USP6NL: variants seen among roughly 807,000 people sequenced by gnomAD.
USP6NL encodes the protein USP6 N-terminal-like protein.
Under a neutral mutation model 61.9 loss-of-function variants are expected in USP6NL, and 26 were observed. That is an observed-to-expected ratio of 0.42 (90% CI 0.31 to 0.58). The LOEUF is 0.58. USP6NL is among the 20% of genes least tolerant of loss of function. The pLI is 0.16. For missense variants in USP6NL, 1,114 were observed against 1,034.3 expected, an observed-to-expected ratio of 1.08 and a Z score of -1.06; for synonymous variants, 432 against 390.1, an observed-to-expected ratio of 1.11 and a Z score of -1.27.
intron 2 of USP6NL, among the ~76,000 whole-genome samples, chr10:11,555,471 A>AGAGAAAGAGAG (rs1566178235): frequency 7.9e-4 from 49 of 62,164 alleles, no homozygotes; most frequent in African/African-American, 3.2e-3. Context: ...GAGAGAGAGA[A>AGAGAAAGAGAG]AGAGAGAGAG....
chr10:11,522,421 G>T (rs977623252), intron 4 of USP6NL, among the ~76,000 whole-genome samples: 1 of 152,166 alleles, frequency 6.6e-6, no homozygotes, highest in African/African-American at 2.4e-5. Context: ...TTATTCAATA[G>T]CGCATAAAAC....
At position 11,496,658 on chromosome 10, in the gene USP6NL, C is replaced by G. The variant is rs1833940729; in HGVS notation, c.385-3430G>C. On this transcript the variant is annotated intron_variant, in intron 7 of 14. Coordinates refer to ENST00000609104, the MANE Select transcript of USP6NL (RefSeq NM_014688.5). This position sits in a 1 kb window ranked among gnomAD's most constrained non-coding sequence, Gnocchi z 5.4. The stretch of plus-strand genomic sequence containing the variant: ...TACATATGTTATATTGACCTATTTA[C>G]CATGTACTGGTAATACGGACTTCTG... Among the ~76,000 whole-genome samples, 1 of 152,014 alleles carries G rather than the reference C, an allele frequency of 6.6e-6. No individual in the cohort carries two copies. The highest frequency in any genetic ancestry group is 6.6e-5 in the Admixed American group (1 of 15,266).
At chr10:11,527,709 T>C in intron 2 of USP6NL, 142 bp from the exon 3 acceptor site, 1 of 757,052 alleles carries the variant, frequency 1.3e-6, no homozygotes, top group Non-Finnish European at 2.1e-6. Context: ...AAGGATGAGT[T>C]AAGTATTTGT....
chr10:11,528,138 C>G lies in USP6NL; in HGVS notation c.5-571G>C, dbSNP rs1271923153. On this transcript the variant is annotated intron_variant, in intron 2 of 14. Transcript: ENST00000609104. This position sits in a 1 kb window ranked among gnomAD's most constrained non-coding sequence, Gnocchi z 4.6. ...GTGGACACACACACAGACACACACA[C>G]ACACACACACACACACACACACCCT... Among the ~76,000 whole-genome samples the G allele has an allele frequency of 1.3e-5, 2 of 151,686 alleles. No homozygotes were observed. The highest frequency in any genetic ancestry group is 2.9e-5 in the Non-Finnish European group (2 of 67,890).
rs780958568 is a variant in USP6NL, at chr10:11,510,275, C to T, written c.196-600G>A. On this transcript the variant is annotated intron_variant, in intron 5 of 14. Transcript: ENST00000609104. This position sits in a 1 kb window ranked among gnomAD's most constrained non-coding sequence, Gnocchi z 4.8. ...GCACTGGCACAGGCAGGAAGGGCCA[C>T]GGCAGAAGGGGCAGTCAAATCCACC... is the stretch of plus-strand genomic sequence containing the variant. 4.6e-5 allele frequency among the ~76,000 whole-genome samples: 7 copies of T among 151,994 alleles called. No homozygotes were observed. Among genetic ancestry groups the T allele is most frequent in the African/African-American group, 1.5e-4 (6 of 41,370 alleles).
intron 2 of USP6NL, among the ~76,000 whole-genome samples, chr10:11,558,665 C>T (rs1462873505): frequency 6.6e-6 from 1 of 152,166 alleles, no homozygotes; most frequent in Non-Finnish European, 1.5e-5. Flanking sequence ...ACCTCCAAGC[C>T]TCTAAAGATT....
intron 1 of USP6NL, among the ~76,000 whole-genome samples, chr10:11,607,636 A>C (rs1838752083): frequency 6.6e-6 from 1 of 152,310 alleles, no homozygotes; most frequent in South Asian, 2.1e-4. Context: ...CAGTGAGCTG[A>C]GACTGCTCTA....
At chr10:11,555,041 T>C (rs1836631891) in intron 2 of USP6NL, among the ~76,000 whole-genome samples, 1 of 147,134 alleles carries the variant, frequency 6.8e-6, no homozygotes, top group Admixed American at 6.8e-5. Context: ...CCTGACCTCA[T>C]GATCTGCCCA....
intron 2 of USP6NL, among the ~76,000 whole-genome samples, chr10:11,556,821 T>C (rs181204860): frequency 6.6e-6 from 1 of 152,196 alleles, no homozygotes; most frequent in Non-Finnish European, 1.5e-5. Context: ...AATGGAAGAT[T>C]GTAATACATA....
intron 2 of USP6NL, among the ~76,000 whole-genome samples, chr10:11,536,839 C>G (rs12262747): frequency 6.6e-6 from 1 of 152,228 alleles, no homozygotes; most frequent in Non-Finnish European, 1.5e-5. Context: ...CTTGCTCCCC[C>G]TATTAGCATA....
chr10:11,462,750 T>G lies in USP6NL; in HGVS notation c.2178A>C (p.Pro726=), dbSNP rs779017002. Residue 726 remains proline, a synonymous_variant, in exon 15 of 15, where the codon CCA becomes CCC. Transcript: ENST00000609104. ...TTCTGTTATCTGGCAAGTAATCCAC[T>G]GGTGGAATGATCAATTTTCCATTCT... ...SPKNGKLIIP[P]VDYLPDNRTW... 1.2e-6 allele frequency: 2 copies of G among 1,614,040 alleles called. No homozygotes were observed. Among genetic ancestry groups the G allele is most frequent in the African/African-American group, 1.3e-5 (1 of 75,070 alleles).
In USP6NL at chr10:11,510,272, C is replaced by A. The variant is rs1834646246; in HGVS notation, c.196-597G>T. On this transcript the variant is annotated intron_variant, in intron 5 of 14. Transcript: ENST00000609104. This position sits in a 1 kb window ranked among gnomAD's most constrained non-coding sequence, Gnocchi z 4.8. ...CAGGCACTGGCACAGGCAGGAAGGG[C>A]CACGGCAGAAGGGGCAGTCAAATCC... Among the ~76,000 whole-genome samples the A allele has an allele frequency of 6.6e-6, 1 of 152,076 alleles. No individual in the cohort carries two copies. The highest frequency in any genetic ancestry group is 1.5e-5 in the Non-Finnish European group (1 of 68,014).
chr10:11,515,647 T>C (rs1834921885), intron 5 of USP6NL, among the ~76,000 whole-genome samples: 2 of 152,206 alleles, frequency 1.3e-5, no homozygotes, highest in East Asian at 1.9e-4. Context: ...CCGACACATA[T>C]CTTGGTAACC....
At chr10:11,586,616 A>G (rs1837973970) in intron 2 of USP6NL, among the ~76,000 whole-genome samples, 1 of 152,146 alleles carries the variant, frequency 6.6e-6, no homozygotes, top group African/African-American at 2.4e-5. Context: ...AGAAATGTAA[A>G]TGGCTTCTTT....
At chr10:11,506,848 T>C (rs1044687323) in intron 6 of USP6NL, among the ~76,000 whole-genome samples, 11 of 151,830 alleles carry the variant, frequency 7.2e-5, no homozygotes, top group African/African-American at 2.2e-4. Context: ...ACTATATAAG[T>C]AAGGAATCTG....
chr10:11,482,464 A>T lies in USP6NL; in HGVS notation c.926-542T>A, dbSNP rs1833239184. 6.6e-6 allele frequency among the ~76,000 whole-genome samples: 1 copy of T among 152,252 alleles called. No homozygotes were observed. Among genetic ancestry groups the T allele is most frequent in the Admixed American group, 6.5e-5 (1 of 15,284 alleles). Reference sequence around the variant, plus strand: ...CAGAAAGTAAAAATCTGCTCATTACATAATACCCTACATAATACACCTCAT... The same window carrying T: ...CAGAAAGTAAAAATCTGCTCATTACTTAATACCCTACATAATACACCTCAT... On this transcript the variant is annotated intron_variant, in intron 13 of 14. Transcript: ENST00000609104. This position sits in a 1 kb window ranked among gnomAD's most constrained non-coding sequence, Gnocchi z 4.0.
chr10:11,501,253 CTTAGA>C (rs750809788), intron 6 of USP6NL, 45 bp from the exon 7 acceptor site: 108 of 1,450,994 alleles, frequency 7.4e-5, no homozygotes, highest in Middle Eastern at 1.9e-4. Context: ...CTGAAAAAAA[CTTAGA>C]TTAGTCTCTA....
Position 11,591,418 on chromosome 10 carries a change from G to A in USP6NL, c.4+6213C>T, listed in dbSNP as rs1020153300. 1.3e-5 allele frequency among the ~76,000 whole-genome samples: 2 copies of A among 152,010 alleles called. No homozygotes were observed. Among genetic ancestry groups the A allele is most frequent in the South Asian group, 2.1e-4 (1 of 4,832 alleles). ...GGTCTATAAAAACTAGATAAATATAGCTTTTGAAGAATAAAAATATAATAG... is the reference window on the plus strand; with the variant it reads ...GGTCTATAAAAACTAGATAAATATAACTTTTGAAGAATAAAAATATAATAG... On this transcript the variant is annotated intron_variant, in intron 2 of 14. Coordinates refer to ENST00000609104, the MANE Select transcript of USP6NL (RefSeq NM_014688.5). This position sits in a 1 kb window ranked among gnomAD's most constrained non-coding sequence, Gnocchi z 4.7.
rs1293790589 is a variant in USP6NL at position 11,562,081 on chromosome 10, C to G, written c.5-34514G>C. Among the ~76,000 whole-genome samples the G allele has an allele frequency of 6.6e-6, 1 of 152,132 alleles. No homozygotes were observed. The highest frequency in any genetic ancestry group is 2.4e-5 in the African/African-American group (1 of 41,426). Reference sequence around the variant, plus strand: ...AGATCACGAGGTCAGGAGTTTAAGACCAGCCTGGCCAACATAGTGAAACTC... The same window carrying G: ...AGATCACGAGGTCAGGAGTTTAAGAGCAGCCTGGCCAACATAGTGAAACTC... On this transcript the variant is annotated intron_variant, in intron 2 of 14. Transcript: ENST00000609104. This position sits in a 1 kb window ranked among gnomAD's most constrained non-coding sequence, Gnocchi z 4.8.
Sources: gnomAD v4.1 joint callset for allele counts (sites outside exome capture counted in the v4.1 genomes callset) on GRCh38, gnomAD v4.1.1 for gene constraint, Gnocchi (gnomAD v3.1) non-coding constraint, MANE v1.5 for transcripts, NCBI Gene and HGNC (gene_info 2026-07-23, HGNC 2026-07-21) for gene names.